Variants in FRK observed in about 807,000 individuals in gnomAD.
FRK encodes fyn related Src family tyrosine kinase, also known as tyrosine-protein kinase FRK.
In FRK, 51 loss-of-function variants were observed where a neutral mutation model predicts 56.4. That is an observed-to-expected ratio of 0.90 (90% CI 0.72 to 1.14). FRK has a LOEUF of 1.14. Ranked by LOEUF, FRK falls within the 50% of genes most tolerant of loss-of-function variation. The probability of loss-of-function intolerance (pLI) is 0.00; values close to 1 mark genes in which losing one functional copy is unlikely to be tolerated. For missense variants in FRK, 570 were observed against 601.4 expected (o/e 0.95, Z 0.55); for synonymous variants, 245 against 217.9 (o/e 1.12, Z -1.10).
chr6:116,028,059 C>G (rs1776161342), intron 1 of FRK, among the ~76,000 whole-genome samples: 1 of 152,048 alleles, frequency 6.6e-6, no homozygotes, highest in Admixed American at 6.6e-5. Flanking sequence ...ATAAAATACA[C>G]CACTTCTGAT....
At chr6:115,974,943 G>A (rs1384278970) in intron 2 of FRK, among the ~76,000 whole-genome samples, 1 of 152,080 alleles carries the variant, frequency 6.6e-6, no homozygotes, top group African/African-American at 2.4e-5. Flanking sequence ...CAGGGGCTCT[G>A]CTGTCTTCAT....
chr6:116,053,200 C>T (rs1377869371), intron 1 of FRK, among the ~76,000 whole-genome samples: 1 of 152,138 alleles, frequency 6.6e-6, no homozygotes, highest in East Asian at 1.9e-4. Flanking sequence ...AAACTCCATA[C>T]ACTAATGTTT....
At chr6:116,009,518 C>G (rs896416223) in intron 1 of FRK, among the ~76,000 whole-genome samples, 1 of 152,084 alleles carries the variant, frequency 6.6e-6, no homozygotes, top group African/African-American at 2.4e-5. Flanking sequence ...AAAAAAGTAT[C>G]CAGTAAAATA....
In FRK at chr6:115,937,026, A is replaced by G. The variant is rs557395760; in HGVS notation, c.*5388T>C. ...AGCAACCCCAAGACATATAATCGTC[A>G]TATTCACCAAGGTTGAAATGAAGGA... On this transcript the variant is annotated 3_prime_UTR_variant, in exon 8 of 8. Coordinates refer to ENST00000606080, the MANE Select transcript of FRK (RefSeq NM_002031.3). The G allele has an allele frequency of 1.3e-5, 2 of 152,336 alleles. No homozygotes were observed. Among genetic ancestry groups the G allele is most frequent in the Non-Finnish European group, 2.9e-5 (2 of 68,026 alleles). The allele number at this position is 152,336 out of a possible 1,614,324, so 9.4% of individuals were successfully genotyped here.
chr6:116,082,742 A>C, the FRK span, among the ~76,000 whole-genome samples: 2 of 152,236 alleles, frequency 1.3e-5, no homozygotes, highest in Admixed American at 6.5e-5. Flanking sequence ...GTAGAGCTTA[A>C]GAGGTCTATT....
intron 2 of FRK, among the ~76,000 whole-genome samples, chr6:115,986,971 T>C (rs1774420043): frequency 6.6e-6 from 1 of 152,106 alleles, no homozygotes; most frequent in Non-Finnish European, 1.5e-5. Flanking sequence ...ATGCTGAAGC[T>C]ACATCACAAA....
chr6:116,089,180 G>C, the FRK span, among the ~76,000 whole-genome samples: 10 of 152,228 alleles, frequency 6.6e-5, no homozygotes, highest in East Asian at 1.7e-3. Flanking sequence ...CCAATCCCTA[G>C]ATAAAAAGGC....
At chr6:116,045,888 A>C (rs183758225) in intron 1 of FRK, among the ~76,000 whole-genome samples, 132 of 152,360 alleles carry the variant, frequency 8.7e-4, no homozygotes, top group African/African-American at 3.0e-3. Context: ...TTTGCAATCT[A>C]TCCATCTGAC....
At chr6:116,078,101 A>C in the FRK span, among the ~76,000 whole-genome samples, 5 of 152,340 alleles carry the variant, frequency 3.3e-5, no homozygotes, top group Admixed American at 2.6e-4. Context: ...CGAAGGTTGC[A>C]GTGAGCTGAG....
At chr6:116,099,273 CAATG>C in the FRK span, among the ~76,000 whole-genome samples, 1 of 152,208 alleles carries the variant, frequency 6.6e-6, no homozygotes, top group Non-Finnish European at 1.5e-5. Context: ...TTCCCTCTTA[CAATG>C]AATGTACTAG....
At chr6:116,004,736 T>C (rs1373630340) in intron 1 of FRK, among the ~76,000 whole-genome samples, 1 of 152,174 alleles carries the variant, frequency 6.6e-6, no homozygotes, top group African/African-American at 2.4e-5. Context: ...AATGCAATCA[T>C]CATCAACAAG....
At chr6:115,958,741 A>G (rs1357128183) in intron 4 of FRK, among the ~76,000 whole-genome samples, 1 of 37,976 alleles carries the variant, frequency 2.6e-5, no homozygotes, top group African/African-American at 8.5e-5. Context: ...GAAAGAAAGA[A>G]AGAAAGAAAG....
chr6:115,953,277 C>A (rs1411558715), intron 5 of FRK, among the ~76,000 whole-genome samples: 1 of 142,532 alleles, frequency 7.0e-6, no homozygotes, highest in Non-Finnish European at 1.5e-5. Flanking sequence ...GCAAGCTCCG[C>A]CTCCTGGGTT....
At chr6:116,000,001 G>A (rs1423922921) in intron 2 of FRK, among the ~76,000 whole-genome samples, 1 of 152,074 alleles carries the variant, frequency 6.6e-6, no homozygotes, top group African/African-American at 2.4e-5. Context: ...TCTAAGCAAG[G>A]CCTGCAGAGC....
At chr6:115,943,842 G>T (rs1156592218) in intron 6 of FRK, among the ~76,000 whole-genome samples, 2 of 152,088 alleles carry the variant, frequency 1.3e-5, no homozygotes, top group Admixed American at 6.6e-5. Flanking sequence ...AAATCAAAAA[G>T]CCAATGATTG....
chr6:116,080,460 G>A, the FRK span, among the ~76,000 whole-genome samples: 1 of 152,084 alleles, frequency 6.6e-6, no homozygotes, highest in Non-Finnish European at 1.5e-5. Flanking sequence ...GGCCAAAAAA[G>A]CCTTTTTAAG....
the FRK span, among the ~76,000 whole-genome samples, chr6:116,070,873 C>CA: frequency 1.2e-4 from 18 of 149,666 alleles, no homozygotes; most frequent in African/African-American, 4.3e-4. Flanking sequence ...CCTGCTAGGC[C>CA]TTTTTTTGTC....
At chr6:116,083,127 C>A in the FRK span, among the ~76,000 whole-genome samples, 448 of 152,306 alleles carry the variant, frequency 2.9e-3, 4 homozygotes, top group African/African-American at 0.01. Flanking sequence ...GAGATCAACT[C>A]TGTCAAATGA....
chr6:116,061,530 G>T (rs753618878), upstream of FRK, among the ~76,000 whole-genome samples: 2 of 146,888 alleles, frequency 1.4e-5, no homozygotes, highest in Non-Finnish European at 3.0e-5. Context: ...GCTAAACTTT[G>T]ACCTCCAGAT....
Sources: allele counts gnomAD v4.1 joint callset (sites outside exome capture counted in the v4.1 genomes callset), GRCh38; gene constraint gnomAD v4.1.1; transcripts MANE v1.5; gene names NCBI Gene and HGNC (gene_info 2026-07-23, HGNC 2026-07-21).